ULK4: variants seen among roughly 807,000 people sequenced by gnomAD.
The protein encoded by ULK4 is inactive serine/threonine-protein kinase ULK4.
A neutral mutation model predicts 160.6 loss-of-function variants in ULK4; 133 were observed. The observed-to-expected ratio is 0.83, with a 90% CI of 0.72 to 0.96. The LOEUF is 0.96. ULK4 is among the 40% of genes least tolerant of loss of function. ULK4 has a pLI of 0.00. For missense variants in ULK4, 1,580 were observed against 1,499.5 expected (o/e 1.05, Z -0.89); for synonymous variants, 534 against 539.8 (o/e 0.99, Z 0.15).
At chr3:41,935,209 A>ATTTATTATTTTTTTTTTTTTTTTTTT (rs1559660879) in intron 4 of ULK4, among the ~76,000 whole-genome samples, 1 of 135,556 alleles carries the variant, frequency 7.4e-6, no homozygotes, top group Non-Finnish European at 1.5e-5. Context: ...TTATTTATTT[A>ATTTATTATTTTTTTTTTTTTTTTTTT]TTTTTTTTTT....
At chr3:41,747,742 C>G (rs2038466249) in intron 22 of ULK4, among the ~76,000 whole-genome samples, 1 of 152,086 alleles carries the variant, frequency 6.6e-6, no homozygotes, top group South Asian at 2.1e-4. Flanking sequence ...TGAGTGCACA[C>G]ACACAAAGGA....
In ULK4 at chr3:41,853,087, G is replaced by C. The variant is rs943620363; in HGVS notation, c.1657-17116C>G. 7.9e-5 allele frequency among the ~76,000 whole-genome samples: 12 copies of C among 152,300 alleles called. No individual in the cohort carries two copies. In the East Asian group the frequency reaches 2.3e-3, roughly 29 times the overall value. ...AAGTCAAAATGCTACAATTTCCCCA[G>C]CATACTCTGGAGCAGTGGTTCTTAA... On this transcript the variant is annotated intron_variant, in intron 17 of 36. Transcript: ENST00000301831.
At chr3:41,759,685 G>A (rs1447746321) in intron 21 of ULK4, among the ~76,000 whole-genome samples, 3 of 152,050 alleles carry the variant, frequency 2.0e-5, no homozygotes, top group African/African-American at 4.8e-5. Context: ...ACAATTTTGG[G>A]GGGATATGCA....
At chr3:41,450,466 T>C (rs575388575) in intron 34 of ULK4, among the ~76,000 whole-genome samples, 3 of 152,284 alleles carry the variant, frequency 2.0e-5, no homozygotes, top group Non-Finnish European at 4.4e-5. Flanking sequence ...ATTATAAATA[T>C]AGGTCATAAA....
At chr3:41,589,185 C>T (rs1478984794) in intron 31 of ULK4, among the ~76,000 whole-genome samples, 1 of 151,754 alleles carries the variant, frequency 6.6e-6, no homozygotes, top group Non-Finnish European at 1.5e-5. Flanking sequence ...TGAGGTGAAC[C>T]TACCACTGAC....
intron 34 of ULK4, among the ~76,000 whole-genome samples, chr3:41,399,964 T>A (rs556675897): frequency 6.6e-6 from 1 of 152,202 alleles, no homozygotes; most frequent in Non-Finnish European, 1.5e-5. Flanking sequence ...AGGTCTTCGA[T>A]GCATTTTGAG....
intron 32 of ULK4, among the ~76,000 whole-genome samples, chr3:41,522,534 C>G (rs2085968261): frequency 6.6e-6 from 1 of 152,042 alleles, no homozygotes; most frequent in African/African-American, 2.4e-5. Flanking sequence ...ATTAAGAAAC[C>G]TAGCCAAACA....
intron 27 of ULK4, among the ~76,000 whole-genome samples, chr3:41,687,189 A>G: frequency 6.6e-6 from 1 of 152,178 alleles, no homozygotes; most frequent in East Asian, 1.9e-4. Context: ...CCTGGCCAAC[A>G]TGGTGAAACC....
At position 41,715,630 on chromosome 3, in the gene ULK4, G is replaced by C. The variant is rs913714818; in HGVS notation, c.2456-62C>G. 4.4e-6 allele frequency: 7 copies of C among 1,604,370 alleles called. No homozygotes were observed. The African/African-American group carries it at 8.0e-5, about 18-fold the overall frequency. ...AAACCACAAATACTTAGGAGCCACT[G>C]GTCATTGCTTGAATACCCATGGGAC... is the stretch of plus-strand genomic sequence containing the variant. On this transcript the variant is annotated intron_variant, in intron 23 of 36. Transcript: ENST00000301831.
intron 17 of ULK4, among the ~76,000 whole-genome samples, chr3:41,841,232 CAGCCGCCCTT>C (rs1375026764): frequency 2.2e-4 from 32 of 146,644 alleles, no homozygotes; most frequent in African/African-American, 4.5e-4. Context: ...CACCTCTGCC[CAGCCGCCCTT>C]CATCTGGGAG....
intron 34 of ULK4, among the ~76,000 whole-genome samples, chr3:41,407,659 T>A (rs2082321786): frequency 6.6e-6 from 1 of 152,114 alleles, no homozygotes; most frequent in South Asian, 2.1e-4. Flanking sequence ...AAAGCAGCAT[T>A]TCACAAAACT....
intron 32 of ULK4, among the ~76,000 whole-genome samples, chr3:41,546,227 A>G (rs993768458): frequency 1.3e-5 from 2 of 151,618 alleles, no homozygotes; most frequent in African/African-American, 4.8e-5. Context: ...TTTTAGTGCT[A>G]CTGATTTTTG....
At position 41,829,529 on chromosome 3, in the gene ULK4, A is replaced by C. The variant is rs549254015; in HGVS notation, c.1764+6335T>G. Among the ~76,000 whole-genome samples, 1,192 of 152,276 alleles carry C rather than the reference A, an allele frequency of 7.8e-3. 12 individuals are homozygous for C. The highest frequency in any genetic ancestry group is 0.028 in the African/African-American group (1,147 of 41,538). ...CAAAAGAAGACATTTATGCAGCCAA[A>C]AGACACATGAAAAAATGCTCATCAT... On this transcript the variant is annotated intron_variant, in intron 18 of 36. Transcript: ENST00000301831.
At chr3:41,953,304 A>ATATATATTT (rs1181182812) in intron 2 of ULK4, among the ~76,000 whole-genome samples, 6 of 124,816 alleles carry the variant, frequency 4.8e-5, no homozygotes, top group African/African-American at 1.9e-4. Flanking sequence ...ATATATATAT[A>ATATATATTT]TTTTTTTTTT....
chr3:41,604,810 G>GGACT (rs1457416341), intron 31 of ULK4, among the ~76,000 whole-genome samples: 1 of 152,018 alleles, frequency 6.6e-6, no homozygotes, highest in Non-Finnish European at 1.5e-5. Context: ...TTCTACCCGT[G>GGACT]GACTTTCTTT....
intron 27 of ULK4, among the ~76,000 whole-genome samples, chr3:41,682,240 A>G (rs982728987): frequency 5.9e-5 from 9 of 152,224 alleles, no homozygotes; most frequent in African/African-American, 2.2e-4. Flanking sequence ...AACTATGACA[A>G]GTTCGTCTTG....
At chr3:41,918,345 A>T in intron 7 of ULK4, 112 bp downstream of exon 7, 1 of 645,628 alleles carries the variant, frequency 1.5e-6, no homozygotes, top group South Asian at 2.6e-5. Flanking sequence ...GGGATCATTT[A>T]TAAAAGATAA....
At chr3:41,911,806 T>G in intron 9 of ULK4, 147 bp from the exon 10 acceptor site, 1 of 644,530 alleles carries the variant, frequency 1.6e-6, no homozygotes, top group African/African-American at 1.8e-5. Flanking sequence ...GCCTCCCTCA[T>G]CCACATAGCC....
intron 17 of ULK4, among the ~76,000 whole-genome samples, chr3:41,883,319 C>T (rs1163205739): frequency 2.0e-5 from 3 of 152,198 alleles, no homozygotes; most frequent in Admixed American, 6.5e-5. Flanking sequence ...ATCCCCTCTC[C>T]TTACCCCTTT....
Sources: gnomAD v4.1 joint callset for allele counts (sites outside exome capture counted in the v4.1 genomes callset) on GRCh38, gnomAD v4.1.1 for gene constraint, MANE v1.5 for transcripts, NCBI Gene and HGNC (gene_info 2026-07-23, HGNC 2026-07-21) for gene names.